The following PTPRA variants were observed in gnomAD, a reference collection of about 807,000 sequenced individuals.
PTPRA encodes the protein protein tyrosine phosphatase receptor type A, also known as receptor-type tyrosine-protein phosphatase alpha.
In PTPRA, 25 loss-of-function variants were observed where a neutral mutation model predicts 104.8. The observed-to-expected ratio is 0.24, with a 90% confidence interval of 0.17 to 0.33. The LOEUF is 0.33. Among genes scored for constraint, PTPRA ranks in the 10% least tolerant of loss-of-function variants. The pLI is 1.00. For synonymous variants in PTPRA, 323 were observed against 368.9 expected, an observed-to-expected ratio of 0.88 and a Z score of 1.43; for missense variants, 765 against 1,015.3, an observed-to-expected ratio of 0.75 and a Z score of 3.35.
At chr20:2,916,899 T>G (rs2059920604) in intron 1 of PTPRA, among the ~76,000 whole-genome samples, 1 of 152,088 alleles carries the variant, frequency 6.6e-6, no homozygotes, top group South Asian at 2.1e-4. Context: ...TTCAAGATTG[T>G]TTTGGCCATT....
chr20:2,935,857 A>G (rs1186493644), intron 2 of PTPRA, among the ~76,000 whole-genome samples: 1 of 152,338 alleles, frequency 6.6e-6, no homozygotes, highest in Non-Finnish European at 1.5e-5. Context: ...TCTACTAAAA[A>G]TACAAAAAAA....
chr20:2,925,866 T>G (rs555428819), intron 2 of PTPRA, among the ~76,000 whole-genome samples: 3 of 151,994 alleles, frequency 2.0e-5, no homozygotes, highest in African/African-American at 7.2e-5. Flanking sequence ...TACAAACATC[T>G]GTTCGAGTCC....
intron 1 of PTPRA, among the ~76,000 whole-genome samples, chr20:2,901,549 T>C (rs1486527415): frequency 6.6e-6 from 1 of 152,234 alleles, no homozygotes; most frequent in Non-Finnish European, 1.5e-5. Context: ...TTGTTAAAAC[T>C]CATTTGTACT....
At chr20:2,959,495 T>G (rs933966508) in intron 3 of PTPRA, among the ~76,000 whole-genome samples, 7 of 152,232 alleles carry the variant, frequency 4.6e-5, no homozygotes, top group Non-Finnish European at 7.3e-5. Context: ...TGGACTGTTA[T>G]GTTTTCAGTA....
At chr20:3,032,970 C>T (rs965551391) in intron 20 of PTPRA, among the ~76,000 whole-genome samples, 5 of 151,638 alleles carry the variant, frequency 3.3e-5, no homozygotes, top group Non-Finnish European at 1.5e-5. Context: ...CCTCCTCTTC[C>T]TCAGAACACT....
chr20:3,003,458 A>G (rs2063724754), intron 9 of PTPRA, among the ~76,000 whole-genome samples: 6 of 152,316 alleles, frequency 3.9e-5, no homozygotes, highest in South Asian at 4.1e-4. Flanking sequence ...GTATTTTTGA[A>G]AAGTTTTTTT....
At chr20:2,961,553 A>G (rs1023745836) in intron 3 of PTPRA, among the ~76,000 whole-genome samples, 1 of 152,128 alleles carries the variant, frequency 6.6e-6, no homozygotes, top group Non-Finnish European at 1.5e-5. Flanking sequence ...ATTTTCTCCT[A>G]GTCTGTGGCT....
intron 11 of PTPRA, among the ~76,000 whole-genome samples, chr20:3,010,648 A>T (rs956085280): frequency 1.3e-5 from 2 of 152,120 alleles, no homozygotes; most frequent in Non-Finnish European, 2.9e-5. Context: ...AATAAATAAA[A>T]AATAAAAAAA....
In PTPRA at chr20:3,038,474, A is replaced by G. The variant is rs996349184; in HGVS notation, c.*341A>G. The stretch of plus-strand genomic sequence containing the variant: ...CAGGTAGCTCGGCACCAACTAAGAA[A>G]AAAAGCACAAAGTTCTCAGAGCTCT... On this transcript the variant is annotated 3_prime_UTR_variant, in exon 24 of 24. Coordinates refer to ENST00000399903, the MANE Select transcript of PTPRA (RefSeq NM_001385305.1). The G allele has an allele frequency of 7.6e-6, 2 of 264,800 alleles. No individual in the cohort carries two copies. Among genetic ancestry groups the G allele is most frequent in the Non-Finnish European group, 1.5e-5 (2 of 136,294 alleles). The allele number at this position is 264,800 out of a possible 1,614,324, so 16.4% of individuals were successfully genotyped here.
chr20:2,906,746 C>A (rs1458831536), intron 1 of PTPRA, among the ~76,000 whole-genome samples: 1 of 152,112 alleles, frequency 6.6e-6, no homozygotes, highest in East Asian at 1.9e-4. Flanking sequence ...TTTGACATGT[C>A]TTCACACATA....
At chr20:2,868,635 T>G (rs1210274117), upstream of PTPRA, among the ~76,000 whole-genome samples, 22 of 138,756 alleles carry the variant, frequency 1.6e-4, no homozygotes, top group Non-Finnish European at 3.1e-4. Flanking sequence ...TTTTTTTTTT[T>G]TTTTTTTTTT....
chr20:2,910,899 C>A (rs1170260000), intron 1 of PTPRA, among the ~76,000 whole-genome samples: 1 of 149,532 alleles, frequency 6.7e-6, no homozygotes, highest in Non-Finnish European at 1.5e-5. Context: ...GCCACCGCAC[C>A]CGGCCTACTT....
Position 2,884,817 on chromosome 20 carries a change from T to G in PTPRA, c.-129+11057T>G, listed in dbSNP as rs1328323081. On this transcript the variant is annotated intron_variant, in intron 1 of 23. Transcript: ENST00000399903. ...TGGTTTTTTTTGTTTTTTTTGTTTTTTTTTTTTTTTGAGACGGAGTCTCGC... is the reference window on the plus strand; with the variant it reads ...TGGTTTTTTTTGTTTTTTTTGTTTTGTTTTTTTTTTGAGACGGAGTCTCGC... Among the ~76,000 whole-genome samples, 10 of 150,450 alleles carry G rather than the reference T, an allele frequency of 6.6e-5. No individual in the cohort carries two copies. In the East Asian group the frequency reaches 1.9e-3, roughly 29 times the overall value.
intron 1 of PTPRA, among the ~76,000 whole-genome samples, chr20:2,897,384 CTTTTTTTTTT>C (rs60627339): frequency 9.2e-6 from 1 of 108,916 alleles, no homozygotes; most frequent in South Asian, 2.9e-4. Context: ...CTTGGCATTT[CTTTTTTTTTT>C]TTTTTTTTTT....
At position 3,038,378 on chromosome 20, in the gene PTPRA, C is replaced by T. The variant is rs368403972; in HGVS notation, c.*245C>T. 2.2e-5 allele frequency: 9 copies of T among 400,622 alleles called. No homozygotes were observed. Among genetic ancestry groups the T allele is most frequent in the East Asian group, 1.5e-4 (3 of 20,206 alleles). 24.8% of individuals were successfully genotyped at this position (400,622 alleles called of 1,614,324 possible). On this transcript the variant is annotated 3_prime_UTR_variant, in exon 24 of 24. Transcript: ENST00000399903. ...GGATTGATATCGTGAAATCCTCAGC[C>T]GAGAAATTGGGCTGGATTGTGCTTT...
chr20:2,915,261 CCTTT>C (rs2059859744), intron 1 of PTPRA, among the ~76,000 whole-genome samples: 1 of 152,032 alleles, frequency 6.6e-6, no homozygotes, highest in South Asian at 2.1e-4. Flanking sequence ...CAGGTTCCTT[CCTTT>C]CTAAGGCTGA....
At chr20:2,874,464 T>C (rs748826229) in intron 1 of PTPRA, among the ~76,000 whole-genome samples, 1 of 152,028 alleles carries the variant, frequency 6.6e-6, no homozygotes, top group African/African-American at 2.4e-5. Context: ...ACTGATGATA[T>C]TTGTAAGACA....
At chr20:2,898,202 T>A (rs2059091956) in intron 1 of PTPRA, among the ~76,000 whole-genome samples, 1 of 152,102 alleles carries the variant, frequency 6.6e-6, no homozygotes, top group African/African-American at 2.4e-5. Flanking sequence ...GTTCACGCCA[T>A]TCTCCTGTCT....
chr20:2,982,974 A>G (rs565693611), intron 6 of PTPRA, among the ~76,000 whole-genome samples: 24 of 152,330 alleles, frequency 1.6e-4, no homozygotes, highest in African/African-American at 5.8e-4. Context: ...CTGGGATTGC[A>G]GGCGTGAGCC....
Sources: allele counts gnomAD v4.1 joint callset (sites outside exome capture counted in the v4.1 genomes callset), GRCh38; gene constraint gnomAD v4.1.1; transcripts MANE v1.5; gene names NCBI Gene and HGNC (gene_info 2026-07-23, HGNC 2026-07-21).